The following NAALADL2 variants were observed in gnomAD, a reference collection of about 807,000 sequenced individuals.
NAALADL2 encodes N-acetylated alpha-linked acidic dipeptidase like 2, also known as inactive N-acetylated-alpha-linked acidic dipeptidase-like protein 2.
NAALADL2 carries 76 observed loss-of-function variants against 87.2 expected under a neutral mutation model. The ratio of observed to expected loss-of-function variants is 0.87; its 90% confidence interval spans 0.72 to 1.05. NAALADL2 has a LOEUF of 1.05. NAALADL2 is among the 50% of genes least tolerant of loss of function. The pLI is 0.00. For missense variants in NAALADL2, 1,089 were observed against 945.8 expected, an observed-to-expected ratio of 1.15 and a Z score of -1.99; for synonymous variants, 354 against 331.0, an observed-to-expected ratio of 1.07 and a Z score of -0.75.
At chr3:174,949,827 G>A (rs1267216828) in intron 1 of NAALADL2, among the ~76,000 whole-genome samples, 1 of 152,212 alleles carries the variant, frequency 6.6e-6, no homozygotes, top group Non-Finnish European at 1.5e-5. Context: ...AAGAAGAAGT[G>A]TGGAGCAAGA....
chr3:175,397,258 T>C (rs1359869876), intron 5 of NAALADL2: 1 of 152,184 alleles, frequency 6.6e-6, no homozygotes, highest in Non-Finnish European at 1.5e-5. Flanking sequence ...AAAATATGCT[T>C]CACAAATTTG....
chr3:174,610,889 A>T (rs564753655), intron 2 of NAALADL2, among the ~76,000 whole-genome samples: 2 of 152,320 alleles, frequency 1.3e-5, no homozygotes, highest in South Asian at 4.1e-4. Flanking sequence ...GGCACTGTTC[A>T]CAATAGCAAA....
intron 13 of NAALADL2, among the ~76,000 whole-genome samples, chr3:175,792,371 TGTGATCAACATTC>T (rs1182884391): frequency 6.6e-6 from 1 of 152,216 alleles, no homozygotes; most frequent in Non-Finnish European, 1.5e-5. Flanking sequence ...CCTCAAGCTT[TGTGATCAACATTC>T]ATAGATTCAG....
At chr3:174,548,179 C>G (rs186353172) in intron 1 of NAALADL2, among the ~76,000 whole-genome samples, 28 of 152,200 alleles carry the variant, frequency 1.8e-4, no homozygotes, top group African/African-American at 5.8e-4. Flanking sequence ...TGGAAACAGC[C>G]TAAATTCATA....
At chr3:175,619,289 G>GAAA (rs1725862478) in intron 10 of NAALADL2, among the ~76,000 whole-genome samples, 1 of 37,496 alleles carries the variant, frequency 2.7e-5, no homozygotes, top group African/African-American at 9.3e-5. Context: ...AAAGAAAGAA[G>GAAA]GAAGGAAGGA....
intron 3 of NAALADL2, among the ~76,000 whole-genome samples, chr3:175,243,342 A>ACACG (rs1553830157): frequency 5.3e-5 from 8 of 150,958 alleles, no homozygotes; most frequent in African/African-American, 1.9e-4. Flanking sequence ...ACACACACAC[A>ACACG]CACGCACGCA....
At chr3:175,063,680 C>T (rs1380933682) in intron 1 of NAALADL2, among the ~76,000 whole-genome samples, 1 of 151,850 alleles carries the variant, frequency 6.6e-6, no homozygotes, top group Non-Finnish European at 1.5e-5. Flanking sequence ...GATGGATCTC[C>T]CTACATTGCC....
intron 2 of NAALADL2, among the ~76,000 whole-genome samples, chr3:175,153,615 TTTTAAACAG>T (rs1560096663): frequency 6.6e-6 from 1 of 152,204 alleles, no homozygotes; most frequent in Non-Finnish European, 1.5e-5. Flanking sequence ...TAAATTTAAG[TTTTAAACAG>T]TTTAAACAGA....
intron 9 of NAALADL2, among the ~76,000 whole-genome samples, chr3:175,565,829 C>CTTT (rs34325475): frequency 8.7e-5 from 10 of 114,818 alleles, no homozygotes; most frequent in African/African-American, 2.0e-4. Flanking sequence ...AGCCCCCCCC[C>CTTT]TTTTTTTTTT....
chr3:175,808,996 GGTAA>G lies in NAALADL2; in HGVS notation c.*5796_*5799del, dbSNP rs1560043515. On this transcript the variant is annotated 3_prime_UTR_variant, in exon 14 of 14. Coordinates refer to ENST00000454872, the MANE Select transcript of NAALADL2 (RefSeq NM_207015.3). ...GTTACCACTCATATGGTCATTACTT[GGTAA>G]GTGTTTTATATTTTGAATTTCTTAG... 1.3e-5 allele frequency: 2 copies of G among 151,720 alleles called. No individual in the cohort carries two copies. Among genetic ancestry groups the G allele is most frequent in the South Asian group, 2.1e-4 (1 of 4,812 alleles). The allele number at this position is 151,720 out of a possible 1,614,324, so 9.4% of individuals were successfully genotyped here.
intron 2 of NAALADL2, among the ~76,000 whole-genome samples, chr3:175,099,793 T>C (rs1721805797): frequency 6.6e-6 from 1 of 152,164 alleles, no homozygotes; most frequent in South Asian, 2.1e-4. Flanking sequence ...ATTTTTATAA[T>C]AGACTGCAGA....
intron 2 of NAALADL2, among the ~76,000 whole-genome samples, chr3:174,628,252 C>A (rs1263593675): frequency 6.6e-6 from 1 of 151,644 alleles, no homozygotes; most frequent in South Asian, 2.1e-4. Context: ...CCGAGGCGGG[C>A]GAATCATGAG....
At chr3:175,425,078 T>TTAAG (rs757311764) in intron 5 of NAALADL2, among the ~76,000 whole-genome samples, 13 of 152,150 alleles carry the variant, frequency 8.5e-5, no homozygotes, top group Non-Finnish European at 1.8e-4. Flanking sequence ...TGGTGGGATA[T>TTAAG]TAAGTATGAG....
intron 5 of NAALADL2, among the ~76,000 whole-genome samples, chr3:175,336,136 T>C (rs1053453790): frequency 6.6e-6 from 1 of 152,040 alleles, no homozygotes; most frequent in Non-Finnish European, 1.5e-5. Flanking sequence ...TCTTTTTTTT[T>C]CCACCTTCCG....
chr3:175,403,788 C>T (rs1711801034), intron 5 of NAALADL2, among the ~76,000 whole-genome samples: 1 of 152,050 alleles, frequency 6.6e-6, no homozygotes, highest in Non-Finnish European at 1.5e-5. Context: ...TTGGCTGCCA[C>T]AAAGATTTGG....
At chr3:175,071,433 C>A (rs1339167184) in intron 1 of NAALADL2, among the ~76,000 whole-genome samples, 1 of 152,052 alleles carries the variant, frequency 6.6e-6, no homozygotes, top group Non-Finnish European at 1.5e-5. Context: ...GGAAGTCATT[C>A]TTTTCTCTTT....
At chr3:174,980,006 C>A (rs1744904887) in intron 1 of NAALADL2, among the ~76,000 whole-genome samples, 1 of 152,078 alleles carries the variant, frequency 6.6e-6, no homozygotes, top group Non-Finnish European at 1.5e-5. Context: ...TCTGTATTGT[C>A]ACTCTCATGT....
intron 2 of NAALADL2, among the ~76,000 whole-genome samples, chr3:175,208,188 C>T (rs975429769): frequency 6.6e-6 from 1 of 152,086 alleles, no homozygotes; most frequent in Non-Finnish European, 1.5e-5. Flanking sequence ...CCTACCGTTA[C>T]TTATTTATTT....
At chr3:174,935,116 G>A (rs1356028301) in intron 1 of NAALADL2, among the ~76,000 whole-genome samples, 1 of 151,962 alleles carries the variant, frequency 6.6e-6, no homozygotes, top group African/African-American at 2.4e-5. Flanking sequence ...AGAACATTCT[G>A]TAAAGTTAAT....
Sources: gnomAD v4.1 joint callset for allele counts (sites outside exome capture counted in the v4.1 genomes callset) on GRCh38, gnomAD v4.1.1 for gene constraint, MANE v1.5 for transcripts, NCBI Gene and HGNC (gene_info 2026-07-23, HGNC 2026-07-21) for gene names.